Variants in CADM2 observed in about 807,000 individuals in gnomAD.
CADM2 encodes the protein immunoglobulin superfamily member 4D.
Under a neutral mutation model 49.8 loss-of-function variants are expected in CADM2, and 12 were observed. The observed-to-expected ratio is 0.24, with a 90% CI of 0.15 to 0.39. CADM2 has a LOEUF of 0.39. Among genes scored for constraint, CADM2 ranks in the 10% least tolerant of loss-of-function variants. The probability of loss-of-function intolerance (pLI) is 1.00; values close to 1 mark genes in which losing one functional copy is unlikely to be tolerated. For synonymous variants in CADM2, 214 were observed against 175.4 expected (o/e 1.22, Z -1.74); for missense variants, 378 against 492.3 (o/e 0.77, Z 2.20).
At chr3:85,997,608 C>T (rs1577901525) in intron 8 of CADM2, among the ~76,000 whole-genome samples, 1 of 152,086 alleles carries the variant, frequency 6.6e-6, no homozygotes, top group Non-Finnish European at 1.5e-5. Flanking sequence ...TTTTATCCCA[C>T]TATGTTTGAT....
At chr3:85,419,640 T>C (rs542490423) in intron 1 of CADM2, among the ~76,000 whole-genome samples, 1 of 152,316 alleles carries the variant, frequency 6.6e-6, no homozygotes, top group Admixed American at 6.5e-5. Context: ...TTCTCCCTAC[T>C]CCTACAAACT....
At chr3:85,475,771 T>A (rs2038950833) in intron 1 of CADM2, among the ~76,000 whole-genome samples, 1 of 151,944 alleles carries the variant, frequency 6.6e-6, no homozygotes, top group Non-Finnish European at 1.5e-5. Context: ...CTAAGATGAA[T>A]GGAAATCTAC....
chr3:85,982,658 C>T lies in CADM2; in HGVS notation c.970+21011C>T, dbSNP rs541057928. Among the ~76,000 whole-genome samples the T allele has an allele frequency of 4.0e-5, 6 of 151,622 alleles. 1 individual carries two copies. The South Asian group carries it at 1.2e-3, about 31-fold the overall frequency. The stretch of plus-strand genomic sequence containing the variant: ...TCATTTAGTATGTAAACAATGTTAT[C>T]AATTTTACACTGTATTCTTTCAAAT... On this transcript the variant is annotated intron_variant, in intron 8 of 9. Transcript: ENST00000383699.
chr3:85,956,259 C>A (rs917875437), intron 7 of CADM2, among the ~76,000 whole-genome samples: 3 of 151,678 alleles, frequency 2.0e-5, no homozygotes, highest in South Asian at 2.1e-4. Context: ...GATGCCTGAA[C>A]AGCAGGGAAG....
intron 1 of CADM2, among the ~76,000 whole-genome samples, chr3:85,390,782 T>G (rs1367104553): frequency 6.6e-6 from 1 of 152,100 alleles, no homozygotes; most frequent in Non-Finnish European, 1.5e-5. Context: ...TTCAAAATAA[T>G]TTTTAAAAAG....
intron 8 of CADM2, among the ~76,000 whole-genome samples, chr3:86,044,724 G>T (rs1434158039): frequency 1.3e-5 from 2 of 152,080 alleles, no homozygotes; most frequent in East Asian, 3.9e-4. Flanking sequence ...TATACCCAAA[G>T]GATTATAAAA....
intron 2 of CADM2, among the ~76,000 whole-genome samples, chr3:85,795,666 A>G (rs1257324595): frequency 6.6e-6 from 1 of 152,224 alleles, no homozygotes; most frequent in Non-Finnish European, 1.5e-5. Context: ...GTAAGAAAAA[A>G]TAAATTATAA....
intron 1 of CADM2, among the ~76,000 whole-genome samples, chr3:85,040,550 C>A (rs997313834): frequency 2.0e-5 from 3 of 150,622 alleles, no homozygotes; most frequent in Admixed American, 6.6e-5. Flanking sequence ...GGGCTAGTCG[C>A]TAGAGGAGAA....
At chr3:85,342,666 C>A (rs2030016523) in intron 1 of CADM2, among the ~76,000 whole-genome samples, 1 of 151,976 alleles carries the variant, frequency 6.6e-6, no homozygotes, top group African/African-American at 2.4e-5. Flanking sequence ...TTTGGACAGG[C>A]CTCTGCTTTA....
intron 1 of CADM2, among the ~76,000 whole-genome samples, chr3:85,303,968 G>A (rs534937899): frequency 1.3e-5 from 2 of 151,926 alleles, no homozygotes; most frequent in African/African-American, 2.4e-5. Context: ...TGAGACCGGA[G>A]GATTCAATCC....
chr3:85,568,425 T>C (rs144942057), intron 1 of CADM2, among the ~76,000 whole-genome samples: 2,901 of 27,834 alleles, frequency 0.1, 211 homozygotes, highest in East Asian at 0.41. Context: ...CTTTCTTTCT[T>C]TCTTTCTTTC....
chr3:85,668,004 A>G (rs751117651), intron 1 of CADM2, among the ~76,000 whole-genome samples: 42 of 152,084 alleles, frequency 2.8e-4, no homozygotes, highest in Non-Finnish European at 6.0e-4. Flanking sequence ...ATACATATTA[A>G]CATTGTTGAC....
chr3:85,353,686 A>G (rs1360965651), intron 1 of CADM2, among the ~76,000 whole-genome samples: 2 of 151,862 alleles, frequency 1.3e-5, no homozygotes, highest in East Asian at 1.9e-4. Context: ...ATTGATTTGC[A>G]TGTCAATAAT....
intron 3 of CADM2, among the ~76,000 whole-genome samples, chr3:85,879,613 T>G (rs987913369): frequency 5.3e-5 from 8 of 152,130 alleles, no homozygotes; most frequent in Non-Finnish European, 1.0e-4. Context: ...AATTTTAAGC[T>G]TTGATATCCT....
At chr3:85,608,319 T>G (rs2107438101) in intron 1 of CADM2, among the ~76,000 whole-genome samples, 1 of 152,278 alleles carries the variant, frequency 6.6e-6, no homozygotes, top group Middle Eastern at 3.4e-3. Context: ...ACCTATTAAT[T>G]AAGTCGCTAT....
chr3:85,821,371 G>T (rs528841940), intron 3 of CADM2, among the ~76,000 whole-genome samples: 1 of 152,256 alleles, frequency 6.6e-6, no homozygotes, highest in Non-Finnish European at 1.5e-5. Flanking sequence ...CTGGGTATCT[G>T]CAGAAGCCTC....
chr3:85,473,761 T>C (rs1396403668), intron 1 of CADM2, among the ~76,000 whole-genome samples: 3 of 152,102 alleles, frequency 2.0e-5, no homozygotes, highest in Non-Finnish European at 4.4e-5. Context: ...TTTCATCTTA[T>C]GCAAATGATT....
rs72907191 is a variant in CADM2 at position 85,170,564 on chromosome 3, C to T, written c.61+210896C>T. Among the ~76,000 whole-genome samples the T allele has an allele frequency of 6.4e-3, 973 of 152,220 alleles. 14 individuals are homozygous for T. The highest frequency in any genetic ancestry group is 0.022 in the African/African-American group (905 of 41,542). On this transcript the variant is annotated intron_variant, in intron 1 of 9. Transcript: ENST00000383699. ...TTTTAACCAGGCTGGTCTCAAACTC[C>T]CAACCTCAAGCTTCCGTCTCCATCT...
intron 1 of CADM2, among the ~76,000 whole-genome samples, chr3:85,130,304 A>T (rs1294063167): frequency 6.6e-6 from 1 of 152,230 alleles, no homozygotes; most frequent in African/African-American, 2.4e-5. Flanking sequence ...TTTAAAATAT[A>T]GTTTAAAGTG....
Sources: allele counts gnomAD v4.1 joint callset (sites outside exome capture counted in the v4.1 genomes callset), GRCh38; gene constraint gnomAD v4.1.1; transcripts MANE v1.5; gene names NCBI Gene and HGNC (gene_info 2026-07-23, HGNC 2026-07-21).